Variants in DLC1 observed in about 807,000 individuals in gnomAD.
The protein encoded by DLC1 is DLC1 Rho GTPase activating protein.
Under a neutral mutation model 140.3 loss-of-function variants are expected in DLC1, and 54 were observed. The ratio of observed to expected loss-of-function variants is 0.38; its 90% CI spans 0.31 to 0.48. DLC1 has a LOEUF of 0.48. DLC1 is among the 20% of genes least tolerant of loss of function. The probability of loss-of-function intolerance (pLI) is 0.96; values close to 1 mark genes in which losing one functional copy is unlikely to be tolerated. For synonymous variants in DLC1, 986 were observed against 728.1 expected (o/e 1.35, Z -5.70); for missense variants, 2,536 against 1,907.0 (o/e 1.33, Z -6.14).
intron 4 of DLC1, among the ~76,000 whole-genome samples, chr8:13,309,457 A>T (rs1239493109): frequency 1.3e-5 from 2 of 152,182 alleles, no homozygotes; most frequent in African/African-American, 4.8e-5. Flanking sequence ...TTGGCCAATT[A>T]AGGTGTTTTA....
intron 2 of DLC1, among the ~76,000 whole-genome samples, chr8:13,440,905 C>A (rs1357326356): frequency 6.6e-6 from 1 of 152,148 alleles, no homozygotes; most frequent in East Asian, 1.9e-4. Flanking sequence ...AATTAAACCT[C>A]CTCTTCTTCC....
At chr8:13,271,534 A>G (rs772887771) in intron 5 of DLC1, among the ~76,000 whole-genome samples, 5 of 152,246 alleles carry the variant, frequency 3.3e-5, no homozygotes, top group Non-Finnish European at 7.3e-5. Flanking sequence ...ACTCCGCAAA[A>G]TACCTCAGGG....
rs1172413995 is a variant in DLC1, at chr8:13,115,599, T to G, written c.1407A>C (p.Ala469=). 1 of 1,613,912 alleles carries G rather than the reference T, an allele frequency of 6.2e-7. No individual in the cohort carries two copies. The change falls in exon 6 of 18, where the codon GCA becomes GCC. Residue 469 remains alanine (A), a synonymous_variant. Transcript: ENST00000276297. ...TTCCCAGCTTACCTTCATAAAGCTG[T>G]GCATACTGGGGGAAACCAGTTGCCC... ...WLRATGFPQY[A]QLYEDFLFPI...
chr8:13,478,761 C>T (rs1800551951), intron 2 of DLC1, among the ~76,000 whole-genome samples: 1 of 152,256 alleles, frequency 6.6e-6, no homozygotes, highest in East Asian at 1.9e-4. Context: ...TTAAAAAAAT[C>T]CCTCTCTGGC....
chr8:13,418,847 C>G (rs1191245100), intron 2 of DLC1, among the ~76,000 whole-genome samples: 3 of 152,144 alleles, frequency 2.0e-5, no homozygotes, highest in Non-Finnish European at 4.4e-5. Context: ...TACCCATGAG[C>G]ATGGAATTTT....
intron 1 of DLC1, among the ~76,000 whole-genome samples, chr8:13,554,028 T>C (rs1342862787): frequency 6.6e-6 from 1 of 152,068 alleles, no homozygotes; most frequent in African/African-American, 2.4e-5. Flanking sequence ...ACTTCTCTTG[T>C]CATTTCCTCC....
intron 15 of DLC1, among the ~76,000 whole-genome samples, chr8:13,089,435 G>A (rs1055332842): frequency 2.1e-4 from 32 of 151,906 alleles, no homozygotes; most frequent in African/African-American, 7.5e-4. Context: ...GACCAGCCTG[G>A]CCAATATGGT....
At chr8:13,288,709 C>T (rs1044566354) in intron 5 of DLC1, among the ~76,000 whole-genome samples, 27 of 152,164 alleles carry the variant, frequency 1.8e-4, no homozygotes, top group Admixed American at 9.2e-4. Flanking sequence ...ACAGGAGAGG[C>T]GGCCCCTATC....
chr8:13,498,908 G>C, intron 2 of DLC1, 141 bp downstream of exon 2: 2 of 897,400 alleles, frequency 2.2e-6, no homozygotes, highest in South Asian at 2.3e-5. Context: ...TGACCAAGTG[G>C]GTAGTCGTTG....
intron 1 of DLC1, among the ~76,000 whole-genome samples, chr8:13,581,822 T>A (rs1449397892): frequency 6.6e-6 from 1 of 152,222 alleles, no homozygotes; most frequent in Non-Finnish European, 1.5e-5. Context: ...TCTCCCTCGC[T>A]TCTCCTCACT....
chr8:13,521,038 T>C (rs531170651), intron 1 of DLC1, among the ~76,000 whole-genome samples: 111 of 152,234 alleles, frequency 7.3e-4, no homozygotes, highest in African/African-American at 2.5e-3. Flanking sequence ...AAAGAAAACG[T>C]GGTCCATATA....
In DLC1 at chr8:13,499,232, C is replaced by T; in HGVS notation, c.840G>A (p.Gln280=). The T allele has an allele frequency of 6.2e-7, 1 of 1,614,202 alleles. No individual in the cohort carries two copies. The highest frequency in any genetic ancestry group is 8.5e-7 in the Non-Finnish European group (1 of 1,180,022). Residue 280 remains glutamine (Q), a synonymous_variant, in exon 2 of 18, where the codon CAG becomes CAA. Transcript: ENST00000276297. ...LKTDFGSCLL[Q]PPSCPNGMSA... is the part of the protein sequence containing the mutation. ...ACATTCCATTGGGGCAGGAAGGAGG[C>T]TGCAGAAGGCAGCTTCCAAAATCTG...
At chr8:13,363,214 T>C (rs1001755673) in intron 4 of DLC1, among the ~76,000 whole-genome samples, 1 of 152,188 alleles carries the variant, frequency 6.6e-6, no homozygotes, top group African/African-American at 2.4e-5. Flanking sequence ...TTAATTTGGA[T>C]TTCTTTGTAG....
chr8:13,344,515 A>C (rs1834228726), intron 4 of DLC1, among the ~76,000 whole-genome samples: 1 of 152,172 alleles, frequency 6.6e-6, no homozygotes, highest in Non-Finnish European at 1.5e-5. Context: ...ACAAAACAAA[A>C]TACTTTCAAT....
At chr8:13,121,466 C>G (rs76369377) in intron 5 of DLC1, among the ~76,000 whole-genome samples, 1 of 152,290 alleles carries the variant, frequency 6.6e-6, no homozygotes, top group Admixed American at 6.5e-5. Flanking sequence ...AAGCAAATCA[C>G]GACCACAAAT....
chr8:13,567,754 T>C (rs1804502328), intron 1 of DLC1: 1 of 1,551,910 alleles, frequency 6.4e-7, no homozygotes, highest in Admixed American at 2.0e-5. Context: ...TCCCAGGCTT[T>C]CAGATGACCC....
intron 2 of DLC1, among the ~76,000 whole-genome samples, chr8:13,418,780 A>T (rs1021799187): frequency 2.6e-5 from 4 of 152,110 alleles, no homozygotes; most frequent in South Asian, 2.1e-4. Flanking sequence ...TGGGGATGGC[A>T]TGGAATCTAT....
chr8:13,269,662 C>T (rs550155089), intron 5 of DLC1, among the ~76,000 whole-genome samples: 24 of 131,572 alleles, frequency 1.8e-4, no homozygotes, highest in Admixed American at 1.5e-3. Context: ...TATGATGATA[C>T]TACTGCACTC....
chr8:13,388,060 T>C, intron 4 of DLC1, among the ~76,000 whole-genome samples: 1 of 152,042 alleles, frequency 6.6e-6, no homozygotes, highest in East Asian at 1.9e-4. Context: ...ATACATAATT[T>C]AAAATATAAT....
Sources: allele counts gnomAD v4.1 joint callset (sites outside exome capture counted in the v4.1 genomes callset), GRCh38; gene constraint gnomAD v4.1.1; transcripts MANE v1.5; gene names NCBI Gene and HGNC (gene_info 2026-07-23, HGNC 2026-07-21).